IL2RA: variants seen among roughly 807,000 people sequenced by gnomAD.
IL2RA encodes the protein interleukin 2 receptor subunit alpha, also known as interleukin-2 receptor subunit alpha.
A neutral mutation model predicts 37.8 loss-of-function variants in IL2RA; 24 were observed. That is an observed-to-expected ratio of 0.63 (90% CI 0.46 to 0.89). The LOEUF is 0.89. Among genes scored for constraint, IL2RA ranks in the 40% least tolerant of loss-of-function variants. The pLI is 0.00. For missense variants in IL2RA, 319 were observed against 348.6 expected, an observed-to-expected ratio of 0.92 and a Z score of 0.68; for synonymous variants, 125 against 114.6, an observed-to-expected ratio of 1.09 and a Z score of -0.58.
At position 6,014,743 on chromosome 10, in the gene IL2RA, G is replaced by A. The variant is rs1373454805; in HGVS notation, c.795-1847C>T. ...GTCAGCTAACCCCTTAGAGAAACTG[G>A]TAGACTGCCGGGTATATGAATCATT... On this transcript the variant is annotated intron_variant, in intron 7 of 7. Transcript: ENST00000379959. This position sits in a 1 kb window ranked among gnomAD's most constrained non-coding sequence, Gnocchi z 4.4. Among the ~76,000 whole-genome samples, 6 of 152,158 alleles carry A rather than the reference G, an allele frequency of 3.9e-5. No homozygotes were observed.
rs145914128 is a variant in IL2RA at position 6,061,163 on chromosome 10, T to A, written c.64+925A>T. ...CAGCAGTATGGGAGGCCAGGGTGAG[T>A]GGATCACTTGAGCCCAGGAGTTCAA... On this transcript the variant is annotated intron_variant, in intron 1 of 7. Transcript: ENST00000379959. Among the ~76,000 whole-genome samples, 173 of 151,904 alleles carry A rather than the reference T, an allele frequency of 1.1e-3. 4 individuals carry two copies. In the East Asian group the frequency reaches 0.029, roughly 25 times the overall value.
intron 1 of IL2RA, among the ~76,000 whole-genome samples, chr10:6,027,325 CAAA>C (rs199509416): frequency 4.3e-5 from 6 of 138,860 alleles, no homozygotes; most frequent in African/African-American, 1.3e-4. Flanking sequence ...GACTCTGTCT[CAAA>C]AAAAAAAACG....
rs76060004 is a variant in IL2RA, at chr10:6,034,035, T to C, written c.65-8010A>G. 5.6e-3 allele frequency among the ~76,000 whole-genome samples: 858 copies of C among 152,318 alleles called. 5 individuals carry two copies. The highest frequency in any genetic ancestry group is 0.017 in the Middle Eastern group (5 of 294). On this transcript the variant is annotated intron_variant, in intron 1 of 7. Coordinates refer to ENST00000379959, the MANE Select transcript of IL2RA (RefSeq NM_000417.3). ...CAAGCCAAGAACATTTCTAAACACA[T>C]CAATTTGAAAAGAAGGAAACAAATT...
At position 6,018,913 on chromosome 10, in the gene IL2RA, AATCT is replaced by A. The variant is rs1331905393; in HGVS notation, c.727+511_727+514del. 6.6e-6 allele frequency among the ~76,000 whole-genome samples: 1 copy of A among 151,912 alleles called. No homozygotes were observed. The highest frequency in any genetic ancestry group is 1.5e-5 in the Non-Finnish European group (1 of 67,970). ...AAACTAACCAACCAACCAATCTACC[AATCT>A]ATCTACCAACCAACTCACTAACCAA... On this transcript the variant is annotated intron_variant, in intron 6 of 7. Transcript: ENST00000379959. This position sits in a 1 kb window ranked among gnomAD's most constrained non-coding sequence, Gnocchi z 5.1.
chr10:6,055,939 C>T (rs80325276), intron 1 of IL2RA, among the ~76,000 whole-genome samples: 1 of 152,174 alleles, frequency 6.6e-6, no homozygotes, highest in Non-Finnish European at 1.5e-5. Context: ...CCTGGATATA[C>T]ACTAATGTAC....
rs1839410300 is a variant in IL2RA at position 6,022,827 on chromosome 10, A to T, written c.368-1134T>A. Among the ~76,000 whole-genome samples, 2 of 87,062 alleles carry T rather than the reference A, an allele frequency of 2.3e-5. No homozygotes were observed. Among genetic ancestry groups the T allele is most frequent in the South Asian group, 7.8e-4 (2 of 2,580 alleles). 57.1% of individuals were successfully genotyped at this position (87,062 alleles called of 152,430 possible). A position where few individuals can be genotyped will look rare whatever the true frequency, so the allele number is the denominator to read the frequency against. ...AGCCAGCCTTCGAGAAAGGACAACAAGCATTGGCCTCTTTGAAGCCTTCCA... is the reference window on the plus strand; with the variant it reads ...AGCCAGCCTTCGAGAAAGGACAACATGCATTGGCCTCTTTGAAGCCTTCCA... On this transcript the variant is annotated intron_variant, in intron 3 of 7. Transcript: ENST00000379959. This position sits in a 1 kb window ranked among gnomAD's most constrained non-coding sequence, Gnocchi z 4.7.
intron 1 of IL2RA, among the ~76,000 whole-genome samples, chr10:6,032,633 C>T (rs1022078020): frequency 1.3e-5 from 2 of 149,958 alleles, no homozygotes; most frequent in African/African-American, 4.9e-5. Flanking sequence ...GTGGAGCTTG[C>T]AGTGAGCCCA....
At position 6,025,471 on chromosome 10, in the gene IL2RA, C is replaced by T. The variant is rs1238955786; in HGVS notation, c.256+363G>A. On this transcript the variant is annotated intron_variant, in intron 2 of 7. Coordinates refer to ENST00000379959, the MANE Select transcript of IL2RA (RefSeq NM_000417.3). The surrounding 1 kb of genome is among the most constrained non-coding windows in gnomAD (Gnocchi z 4.4). ...AGGAGTTTGAGACCAGCCTGGCCAA[C>T]ATGGTGAAACCCCATCTCTACTAAA... Among the ~76,000 whole-genome samples, 3 of 151,852 alleles carry T rather than the reference C, an allele frequency of 2.0e-5. No individual in the cohort carries two copies. The highest frequency in any genetic ancestry group is 7.3e-5 in the African/African-American group (3 of 41,310).
chr10:6,019,174 A>C (rs1680794777), intron 6 of IL2RA, among the ~76,000 whole-genome samples: 1 of 152,160 alleles, frequency 6.6e-6, no homozygotes, highest in Non-Finnish European at 1.5e-5. Context: ...CTGCCAATCT[A>C]CCAACCTACC....
rs1234953637 is a variant in IL2RA, at chr10:6,046,338, T to C, written c.64+15750A>G. Among the ~76,000 whole-genome samples, 1 of 152,182 alleles carries C rather than the reference T, an allele frequency of 6.6e-6. No homozygotes were observed. Among genetic ancestry groups the C allele is most frequent in the Non-Finnish European group, 1.5e-5 (1 of 68,026 alleles). ...TTCAGATACTACCATGATCTGCTAG[T>C]CTACTGTGATTTTGCTTAAGAAGGG... is the stretch of plus-strand genomic sequence containing the variant. On this transcript the variant is annotated intron_variant, in intron 1 of 7. Transcript: ENST00000379959. The surrounding 1 kb of genome is among the most constrained non-coding windows in gnomAD (Gnocchi z 4.8).
rs1260147853 is a variant in IL2RA, at chr10:6,017,692, C to T, written c.794+361G>A. On this transcript the variant is annotated intron_variant, in intron 7 of 7. Transcript: ENST00000379959. ...CCAGGTTCAAGCAATCTTCCTGCCT[C>T]AGCCGCCCAAGTAGCTGGGATTACA... is the stretch of plus-strand genomic sequence containing the variant. 2.0e-5 allele frequency among the ~76,000 whole-genome samples: 3 copies of T among 150,600 alleles called. 1 individual carries two copies. Among genetic ancestry groups the T allele is most frequent in the African/African-American group, 7.3e-5 (3 of 40,830 alleles).
In IL2RA at chr10:6,047,588, G is replaced by T. The variant is rs1839885403; in HGVS notation, c.64+14500C>A. ...AGACACCAATGAAGGAGCTTATTAT[G>T]AATATGAAGGATAATTAACGTATCT... On this transcript the variant is annotated intron_variant, in intron 1 of 7. Coordinates refer to ENST00000379959, the MANE Select transcript of IL2RA (RefSeq NM_000417.3). This position sits in a 1 kb window ranked among gnomAD's most constrained non-coding sequence, Gnocchi z 5.0. Among the ~76,000 whole-genome samples, 1 of 151,718 alleles carries T rather than the reference G, an allele frequency of 6.6e-6. No individual in the cohort carries two copies. Among genetic ancestry groups the T allele is most frequent in the Non-Finnish European group, 1.5e-5 (1 of 67,956 alleles).
intron 1 of IL2RA, among the ~76,000 whole-genome samples, chr10:6,055,101 C>T (rs1840023457): frequency 6.6e-6 from 1 of 152,220 alleles, no homozygotes; most frequent in African/African-American, 2.4e-5. Context: ...GCACCCACAA[C>T]ATAGGCCTCC....
Position 6,035,460 on chromosome 10 carries a change from T to A in IL2RA, c.65-9435A>T, listed in dbSNP as rs1202448693. On this transcript the variant is annotated intron_variant, in intron 1 of 7. Coordinates refer to ENST00000379959, the MANE Select transcript of IL2RA (RefSeq NM_000417.3). The surrounding 1 kb of genome is among the most constrained non-coding windows in gnomAD (Gnocchi z 5.4). The stretch of plus-strand genomic sequence containing the variant: ...GGCTGGATTTTCTCTGTTGCACACA[T>A]GCTTAGTATCTGTCTCTCCCTTTGT... Among the ~76,000 whole-genome samples, 2 of 152,196 alleles carry A rather than the reference T, an allele frequency of 1.3e-5. No individual in the cohort carries two copies. Among genetic ancestry groups the A allele is most frequent in the Non-Finnish European group, 2.9e-5 (2 of 68,018 alleles).
Position 6,046,040 on chromosome 10 carries a change from A to C in IL2RA, c.64+16048T>G, listed in dbSNP as rs1007866423. On this transcript the variant is annotated intron_variant, in intron 1 of 7. Transcript: ENST00000379959. This position sits in a 1 kb window ranked among gnomAD's most constrained non-coding sequence, Gnocchi z 4.8. ...AGGCTGACCAAGCCCACGTGTCCAGAACCCTCTCCAGAGCTCTCCTCAGGG... is the reference window on the plus strand; with the variant it reads ...AGGCTGACCAAGCCCACGTGTCCAGCACCCTCTCCAGAGCTCTCCTCAGGG... Among the ~76,000 whole-genome samples the C allele has an allele frequency of 6.6e-6, 1 of 152,104 alleles. No homozygotes were observed. Among genetic ancestry groups the C allele is most frequent in the Non-Finnish European group, 1.5e-5 (1 of 68,020 alleles).
chr10:6,043,050 A>G (rs1165902518), intron 1 of IL2RA, among the ~76,000 whole-genome samples: 1 of 152,242 alleles, frequency 6.6e-6, no homozygotes, highest in Non-Finnish European at 1.5e-5. Flanking sequence ...ATGTGCACAC[A>G]TTCAAGGCTG....
Position 6,024,314 on chromosome 10 carries a change from T to A in IL2RA, c.297A>T (p.Glu99Asp), listed in dbSNP as rs201105599. The A allele has an allele frequency of 7.8e-5, 126 of 1,614,032 alleles. No individual in the cohort carries two copies. The highest frequency in any genetic ancestry group is 1.3e-4 in the Admixed American group (8 of 60,006). The stretch of plus-strand genomic sequence containing the variant: ...CTGTGGTTTTCCTTTCTTTCTGTTC[T>A]TCAGGTTGAGGTGTCACTTGTTTCG... ...NTTKQVTPQPEEQKERKTTEM... is the reference protein window; with the variant it reads ...NTTKQVTPQPDEQKERKTTEM... Residue 99 changes from glutamate to aspartate, a missense_variant, in exon 3 of 8, where the codon GAA (glutamate) becomes GAT (aspartate). Physicochemically the swap from Glu to Asp is conservative, Grantham distance 45. Transcript: ENST00000379959.
chr10:6,058,705 T>TC lies in IL2RA; in HGVS notation c.64+3382_64+3383insG, dbSNP rs1840083772. Among the ~76,000 whole-genome samples the TC allele has an allele frequency of 6.6e-6, 1 of 152,156 alleles. No homozygotes were observed. Among genetic ancestry groups the TC allele is most frequent in the Admixed American group, 6.5e-5 (1 of 15,282 alleles). On this transcript the variant is annotated intron_variant, in intron 1 of 7. Transcript: ENST00000379959. The surrounding 1 kb of genome is among the most constrained non-coding windows in gnomAD (Gnocchi z 4.2). ...AAGAATTATTTTTGAGTCTAGAGGA[T>TC]AAAGATTTGATCACAGAATTCCTAG...
rs1839671499 is a variant in IL2RA, at chr10:6,035,802, G to A, written c.65-9777C>T. 6.6e-6 allele frequency: 1 copy of A among 152,204 alleles called. No individual in the cohort carries two copies. Among genetic ancestry groups the A allele is most frequent in the South Asian group, 2.1e-4 (1 of 4,824 alleles). The allele number at this position is 152,204 out of a possible 1,614,324, so 9.4% of individuals were successfully genotyped here. A position where few individuals can be genotyped will look rare whatever the true frequency, so the allele number is the denominator to read the frequency against. On this transcript the variant is annotated intron_variant, in intron 1 of 7. Coordinates refer to ENST00000379959, the MANE Select transcript of IL2RA (RefSeq NM_000417.3). The surrounding 1 kb of genome is among the most constrained non-coding windows in gnomAD (Gnocchi z 5.4). ...TGAGCGTGTTTCACATCTTCCGTTGGAGTTTGCTGTGGATGCTCATTAGAC... is the reference window on the plus strand; with the variant it reads ...TGAGCGTGTTTCACATCTTCCGTTGAAGTTTGCTGTGGATGCTCATTAGAC...
Sources: allele counts gnomAD v4.1 joint callset (sites outside exome capture counted in the v4.1 genomes callset), GRCh38; gene constraint gnomAD v4.1.1; non-coding constraint Gnocchi (gnomAD v3.1); transcripts MANE v1.5; gene names NCBI Gene and HGNC (gene_info 2026-07-23, HGNC 2026-07-21).